The following AOPEP variants were observed in gnomAD, a reference collection of about 807,000 sequenced individuals.
AOPEP encodes the protein aminopeptidase O (putative).
AOPEP carries 77 observed loss-of-function variants against 98.1 expected under a neutral mutation model. The ratio of observed to expected loss-of-function variants is 0.78; its 90% CI spans 0.65 to 0.95. AOPEP has a LOEUF of 0.95. Ranked by LOEUF, AOPEP falls within the 40% of genes least tolerant of loss-of-function variation. The pLI, the probability that AOPEP is intolerant of heterozygous loss-of-function variation, is 0.00. For missense variants in AOPEP, 1,024 were observed against 1,024.7 expected, an observed-to-expected ratio of 1.00 and a Z score of 0.01; for synonymous variants, 346 against 365.3, an observed-to-expected ratio of 0.95 and a Z score of 0.60.
At chr9:94,820,165 C>T (rs981459135) in intron 5 of AOPEP, among the ~76,000 whole-genome samples, 2 of 151,848 alleles carry the variant, frequency 1.3e-5, no homozygotes, top group Non-Finnish European at 2.9e-5. Flanking sequence ...AAGTTTGTCT[C>T]AAACTCCTGA....
rs368250201 is a variant in AOPEP at position 94,760,375 on chromosome 9, C to T, written c.592C>T (p.Arg198Cys). 18 of 1,613,966 alleles carry T rather than the reference C, an allele frequency of 1.1e-5. No homozygotes were observed. Among genetic ancestry groups the T allele is most frequent in the East Asian group, 6.7e-5 (3 of 44,880 alleles). Residue 198 changes from arginine (R) to cysteine (C), a missense_variant, in exon 2 of 17, where the codon CGT becomes TGT. By Grantham distance (180) the Arg-to-Cys change is radical. Transcript: ENST00000375315. ...VRELVTLPANRWREQLDYYAR... is the reference protein window; with the variant it reads ...VRELVTLPANCWREQLDYYAR... ...TGAACTTGTGACTTTGCCTGCAAAT[C>T]GTTGGAGGGAGCAGTTAGACTATTA... is the stretch of plus-strand genomic sequence containing the variant.
intron 5 of AOPEP, among the ~76,000 whole-genome samples, chr9:94,892,362 TG>T (rs1373318006): frequency 6.6e-6 from 1 of 152,224 alleles, no homozygotes; most frequent in African/African-American, 2.4e-5. Context: ...TTCTCACTGT[TG>T]TTCAAATTGA....
chr9:94,924,573 G>A (rs1244298373), intron 6 of AOPEP, among the ~76,000 whole-genome samples: 1 of 152,222 alleles, frequency 6.6e-6, no homozygotes, highest in Non-Finnish European at 1.5e-5. Flanking sequence ...TGACTTGTGT[G>A]TGTGCAGTGT....
intron 5 of AOPEP, among the ~76,000 whole-genome samples, chr9:94,916,753 C>T (rs1394954053): frequency 6.6e-6 from 1 of 151,620 alleles, no homozygotes; most frequent in East Asian, 1.9e-4. Flanking sequence ...TGTTCAGTTA[C>T]AATAAATATT....
At chr9:94,857,979 T>C (rs1403245585) in intron 5 of AOPEP, among the ~76,000 whole-genome samples, 3 of 152,032 alleles carry the variant, frequency 2.0e-5, no homozygotes, top group Non-Finnish European at 4.4e-5. Context: ...CCTGGTGTGA[T>C]TATAGCTCAC....
In AOPEP at chr9:95,060,718, C is replaced by A. The variant is rs187186964; in HGVS notation, c.2140C>A (p.Leu714Ile). ...EKLLPDQLVL[L>I]LEHLLEQKTL... ...GCTTCTTCCAGACCAGCTGGTCTTG[C>A]TTCTGGAGCATCTCTTGGAGCAGAA... is the stretch of plus-strand genomic sequence containing the variant. Residue 714 changes from leucine to isoleucine, a missense_variant, in exon 14 of 17, where the codon CTT becomes ATT. By Grantham distance (5) the Leu-to-Ile change is conservative. This residue lies in a region of AOPEP where 566 missense variants were observed against 551.7 expected (regional missense o/e 1.03). Transcript: ENST00000375315. 6 of 1,614,010 alleles carry A rather than the reference C, an allele frequency of 3.7e-6. No homozygotes were observed. In the African/African-American group the frequency reaches 5.3e-5, roughly 14 times the overall value.
chr9:95,095,410 C>T, the AOPEP span, among the ~76,000 whole-genome samples: 3 of 152,190 alleles, frequency 2.0e-5, no homozygotes, highest in African/African-American at 4.8e-5. Flanking sequence ...TTCCCTGTGT[C>T]GTGTGTGTCC....
intron 11 of AOPEP, among the ~76,000 whole-genome samples, chr9:94,998,972 GAC>G (rs1251844846): frequency 1.3e-5 from 2 of 152,016 alleles, no homozygotes; most frequent in Non-Finnish European, 2.9e-5. Flanking sequence ...TATATATTTT[GAC>G]AGTTCTTTTC....
intron 10 of AOPEP, among the ~76,000 whole-genome samples, chr9:94,971,348 A>G (rs972105137): frequency 5.9e-5 from 9 of 152,170 alleles, no homozygotes; most frequent in Admixed American, 5.9e-4. Flanking sequence ...AGGAGATTTC[A>G]TTTTTACAAT....
chr9:95,040,907 C>T (rs181750739), intron 13 of AOPEP, among the ~76,000 whole-genome samples: 41 of 43,736 alleles, frequency 9.4e-4, no homozygotes, highest in Admixed American at 2.0e-3. Flanking sequence ...ATAGAAAACA[C>T]GGTAAACAGT....
chr9:94,728,093 A>G (rs1186747587), intron 1 of AOPEP, among the ~76,000 whole-genome samples: 2 of 152,232 alleles, frequency 1.3e-5, no homozygotes, highest in Non-Finnish European at 2.9e-5. Context: ...GCTTTTTACA[A>G]TAGTTGCACA....
intron 10 of AOPEP, among the ~76,000 whole-genome samples, chr9:94,968,129 TAGTTAA>T (rs1441207794): frequency 2.0e-5 from 3 of 152,226 alleles, no homozygotes; most frequent in Non-Finnish European, 4.4e-5. Context: ...AGGGTAGCTC[TAGTTAA>T]TGTGGCTTAA....
rs979973825 is a variant in AOPEP, at chr9:95,087,037, A to G, written c.*360A>G. The G allele has an allele frequency of 6.7e-6, 5 of 745,086 alleles. No individual in the cohort carries two copies. The Admixed American group carries it at 2.5e-4, about 37-fold the overall frequency. 46.2% of individuals were successfully genotyped at this position (745,086 alleles called of 1,614,324 possible). A position where few individuals can be genotyped will look rare whatever the true frequency, so the allele number is the denominator to read the frequency against. On this transcript the variant is annotated 3_prime_UTR_variant, in exon 17 of 17. Coordinates refer to ENST00000375315, the MANE Select transcript of AOPEP (RefSeq NM_001193329.3). ...CTGCTCAGCACATGGCTGGATGCGG[A>G]TATTTCTATAATTCCAGAAAGTCAC... is the stretch of plus-strand genomic sequence containing the variant.
intron 5 of AOPEP, among the ~76,000 whole-genome samples, chr9:94,899,748 T>TA (rs899991318): frequency 7.3e-5 from 11 of 149,928 alleles, no homozygotes; most frequent in African/African-American, 1.5e-4. Flanking sequence ...GGACCCTATC[T>TA]AAAAAAAAAC....
intron 1 of AOPEP, among the ~76,000 whole-genome samples, chr9:94,732,555 A>G (rs1212817815): frequency 2.0e-5 from 3 of 152,168 alleles, no homozygotes; most frequent in Non-Finnish European, 2.9e-5. Flanking sequence ...TAAATTCCCT[A>G]TTGGTGTTTA....
At chr9:94,965,752 G>A (rs1243252075) in intron 9 of AOPEP, among the ~76,000 whole-genome samples, 6 of 152,090 alleles carry the variant, frequency 3.9e-5, no homozygotes, top group Admixed American at 6.5e-5. Flanking sequence ...CTATTGGGAG[G>A]CTTCGGTCTG....
At chr9:94,791,880 G>A (rs527807211) in intron 3 of AOPEP, among the ~76,000 whole-genome samples, 1 of 152,316 alleles carries the variant, frequency 6.6e-6, no homozygotes, top group East Asian at 1.9e-4. Flanking sequence ...TTAATGTATA[G>A]CAGATGCTCG....
chr9:95,144,027 CACTGGTGT>C, the AOPEP span, among the ~76,000 whole-genome samples: 3,502 of 152,204 alleles, frequency 0.023, 140 homozygotes, highest in African/African-American at 0.08. Context: ...GATGAAATTC[CACTGGTGT>C]ACTGTGGTAA....
At chr9:95,047,169 C>T (rs1212710274) in intron 13 of AOPEP, among the ~76,000 whole-genome samples, 1 of 152,160 alleles carries the variant, frequency 6.6e-6, no homozygotes, top group Non-Finnish European at 1.5e-5. Flanking sequence ...GACTGAAAGC[C>T]ATACTTACCT....
Sources: gnomAD v4.1 joint callset for allele counts (sites outside exome capture counted in the v4.1 genomes callset) on GRCh38, gnomAD v4.1.1 for gene constraint, gnomAD v4.1.1 regional missense constraint, MANE v1.5 for transcripts, NCBI Gene and HGNC (gene_info 2026-07-23, HGNC 2026-07-21) for gene names.